KLHL1: variants seen among roughly 807,000 people sequenced by gnomAD.
KLHL1 encodes the protein kelch-like protein 1.
KLHL1 carries 47 observed loss-of-function variants against 77.7 expected under a neutral mutation model. That is an observed-to-expected ratio of 0.60 (90% CI 0.48 to 0.77). KLHL1 has a LOEUF of 0.77. Ranked by LOEUF, KLHL1 falls within the 30% of genes least tolerant of loss-of-function variation. The pLI is 0.00. For synonymous variants in KLHL1, 360 were observed against 325.2 expected, an observed-to-expected ratio of 1.11 and a Z score of -1.15; for missense variants, 925 against 910.8, an observed-to-expected ratio of 1.02 and a Z score of -0.20.
chr13:70,008,809 A>C (rs1593669942), intron 1 of KLHL1, among the ~76,000 whole-genome samples: 1 of 152,266 alleles, frequency 6.6e-6, no homozygotes, highest in South Asian at 2.1e-4. Flanking sequence ...CACCAGTATG[A>C]ATCTGCCAAC....
chr13:69,724,562 A>G (rs1873214563), intron 8 of KLHL1, among the ~76,000 whole-genome samples: 1 of 152,114 alleles, frequency 6.6e-6, no homozygotes, highest in African/African-American at 2.4e-5. Context: ...ACAAACAAAA[A>G]CTAGAGGCTA....
chr13:69,720,727 G>A (rs1016636807), intron 8 of KLHL1, among the ~76,000 whole-genome samples: 4 of 151,586 alleles, frequency 2.6e-5, no homozygotes, highest in East Asian at 2.0e-4. Flanking sequence ...ATCTGGGGAA[G>A]GAAGATTTGA....
At position 70,019,018 on chromosome 13, in the gene KLHL1, T is replaced by A. The variant is rs539799894; in HGVS notation, c.498-43216A>T. ...CATTTCAAATTAAATACTCACTGTA[T>A]TTTTTATGTTGTTGATCATTTAATG... On this transcript the variant is annotated intron_variant, in intron 1 of 10. Transcript: ENST00000377844. Among the ~76,000 whole-genome samples, 14 of 152,332 alleles carry A rather than the reference T, an allele frequency of 9.2e-5. No individual in the cohort carries two copies. In the South Asian group the frequency reaches 1.9e-3, roughly 20 times the overall value.
At chr13:69,983,163 T>A (rs1884763950) in intron 1 of KLHL1, among the ~76,000 whole-genome samples, 2 of 152,090 alleles carry the variant, frequency 1.3e-5, no homozygotes, top group Admixed American at 1.3e-4. Context: ...ATTTCTACAA[T>A]GAAAACTACA....
intron 3 of KLHL1, among the ~76,000 whole-genome samples, chr13:69,947,539 A>G (rs928669104): frequency 1.1e-4 from 16 of 151,936 alleles, no homozygotes; most frequent in East Asian, 3.9e-4. Context: ...TTTTCAGATC[A>G]TCTCTCAATT....
chr13:70,042,380 C>T (rs891283000), intron 1 of KLHL1, among the ~76,000 whole-genome samples: 1 of 152,154 alleles, frequency 6.6e-6, no homozygotes, highest in African/African-American at 2.4e-5. Flanking sequence ...TGTGTATATT[C>T]TTAGAAGCCT....
At chr13:70,105,194 C>T (rs1264466145) in intron 1 of KLHL1, among the ~76,000 whole-genome samples, 1 of 151,952 alleles carries the variant, frequency 6.6e-6, no homozygotes, top group Non-Finnish European at 1.5e-5. Context: ...TTTAGGAATT[C>T]TTATCACTCA....
chr13:70,072,714 T>C lies in KLHL1; in HGVS notation c.497+34489A>G, dbSNP rs533647668. On this transcript the variant is annotated intron_variant, in intron 1 of 10. Transcript: ENST00000377844. ...AAAAAAGGGGGATTATATCAATAGA[T>C]GCAGAAAAGCATGTGACAAAATCTG... is the stretch of plus-strand genomic sequence containing the variant. 8.5e-4 allele frequency among the ~76,000 whole-genome samples: 130 copies of C among 152,206 alleles called. 2 individuals are homozygous for C. Among genetic ancestry groups the C allele is most frequent in the African/African-American group, 3.1e-3 (128 of 41,510 alleles).
chr13:69,948,765 GCA>G (rs977077023), intron 3 of KLHL1, among the ~76,000 whole-genome samples: 1 of 151,916 alleles, frequency 6.6e-6, no homozygotes, highest in African/African-American at 2.4e-5. Flanking sequence ...ATTAACAAAT[GCA>G]CAGAGTATCC....
At chr13:69,951,311 TA>T in intron 3 of KLHL1, among the ~76,000 whole-genome samples, 1 of 151,594 alleles carries the variant, frequency 6.6e-6, no homozygotes, top group East Asian at 1.9e-4. Flanking sequence ...GCAAGTGGCT[TA>T]TTTTTTCTTT....
In KLHL1 at chr13:70,061,530, T is replaced by C. The variant is rs373703527; in HGVS notation, c.497+45673A>G. Among the ~76,000 whole-genome samples, 695 of 152,276 alleles carry C rather than the reference T, an allele frequency of 4.6e-3. 3 individuals carry two copies. Among genetic ancestry groups the C allele is most frequent in the South Asian group, 0.011 (52 of 4,822 alleles). ...TCTTTATTTCCCTTTATCCAAGGAC[T>C]TGGATCCTCAAGCTGTGCCTGAGTT... On this transcript the variant is annotated intron_variant, in intron 1 of 10. Transcript: ENST00000377844.
At chr13:69,719,237 A>C in intron 9 of KLHL1, 132 bp downstream of exon 9, 1 of 646,584 alleles carries the variant, frequency 1.5e-6, no homozygotes, top group Non-Finnish European at 2.7e-6. Flanking sequence ...AGAGAGAGAA[A>C]GGAGTTAAAA....
At chr13:69,809,403 T>C (rs1877763928) in intron 6 of KLHL1, among the ~76,000 whole-genome samples, 1 of 152,148 alleles carries the variant, frequency 6.6e-6, no homozygotes, top group Non-Finnish European at 1.5e-5. Flanking sequence ...GGGCCCATTT[T>C]TAGCATTCTT....
chr13:69,831,855 T>C (rs1348006156), intron 6 of KLHL1, among the ~76,000 whole-genome samples: 1 of 150,224 alleles, frequency 6.7e-6, no homozygotes, highest in Admixed American at 6.7e-5. Context: ...AATCACATCA[T>C]CATCCCAAGA....
At chr13:69,834,696 A>G (rs1010907660) in intron 6 of KLHL1, among the ~76,000 whole-genome samples, 2 of 152,146 alleles carry the variant, frequency 1.3e-5, no homozygotes, top group Non-Finnish European at 2.9e-5. Context: ...AAGTGTTTCT[A>G]AAATTAGAAA....
intron 5 of KLHL1, among the ~76,000 whole-genome samples, chr13:69,857,788 G>A (rs1213483928): frequency 6.6e-6 from 1 of 151,504 alleles, no homozygotes; most frequent in Non-Finnish European, 1.5e-5. Context: ...TCCTTGGCTA[G>A]GAAAGAACAT....
At chr13:69,897,885 G>C (rs564632355) in intron 4 of KLHL1, among the ~76,000 whole-genome samples, 132 of 152,324 alleles carry the variant, frequency 8.7e-4, no homozygotes, top group African/African-American at 2.6e-3. Context: ...TGATTTATCT[G>C]TACCATTCCC....
At chr13:69,774,186 A>G (rs1296423351) in intron 7 of KLHL1, among the ~76,000 whole-genome samples, 3 of 151,960 alleles carry the variant, frequency 2.0e-5, no homozygotes, top group Non-Finnish European at 4.4e-5. Flanking sequence ...AAGGAGAAAA[A>G]TTAATCATAA....
intron 9 of KLHL1, among the ~76,000 whole-genome samples, 180 bp downstream of exon 9, chr13:69,719,183 CGTGTGT>C (rs761517378): frequency 9.6e-6 from 1 of 103,788 alleles, no homozygotes; most frequent in Non-Finnish European, 2.2e-5. Context: ...AAAGAAAGTA[CGTGTGT>C]GTGTGTGTGT....
Sources: gnomAD v4.1 joint callset for allele counts (sites outside exome capture counted in the v4.1 genomes callset) on GRCh38, gnomAD v4.1.1 for gene constraint, MANE v1.5 for transcripts, NCBI Gene and HGNC (gene_info 2026-07-23, HGNC 2026-07-21) for gene names.